Variants in GEMIN4 observed in about 807,000 individuals in gnomAD.
The protein encoded by GEMIN4 is gem-associated protein 4.
Under a neutral mutation model 76.8 loss-of-function variants are expected in GEMIN4, and 59 were observed. The observed-to-expected ratio is 0.77, with a 90% confidence interval of 0.62 to 0.95. The LOEUF is 0.95. Among genes scored for constraint, GEMIN4 ranks in the 40% least tolerant of loss-of-function variants. The pLI is 0.00. For synonymous variants in GEMIN4, 562 were observed against 559.7 expected, an observed-to-expected ratio of 1.00 and a Z score of -0.06; for missense variants, 1,311 against 1,318.9, an observed-to-expected ratio of 0.99 and a Z score of 0.09.
At chr17:752,098 G>T in intron 1 of GEMIN4, 35 bp downstream of exon 1, 1 of 1,225,354 alleles carries the variant, frequency 8.2e-7, no homozygotes, top group Non-Finnish European at 1.0e-6. Flanking sequence ...CGCATTGCTG[G>T]ACGCAGCCCG....
At position 745,709 on chromosome 17, in the gene GEMIN4, G is replaced by A. The variant is rs1451608184; in HGVS notation, c.2334C>T (p.Phe778=). Residue 778 remains phenylalanine (F), a synonymous_variant, in exon 2 of 2, where the codon TTC becomes TTT. Coordinates refer to ENST00000319004, the MANE Select transcript of GEMIN4 (RefSeq NM_015721.3). The surrounding 1 kb of genome is among the most constrained non-coding windows in gnomAD (Gnocchi z 4.6). ...WTVGLRLKSF[F]EGHFKCEVPA... The stretch of plus-strand genomic sequence containing the variant: ...GCACTTCACACTTGAAGTGCCCCTC[G>A]AAGAAGCTCTTCAGCCTCAGGCCCA... 1.4e-5 allele frequency: 23 copies of A among 1,603,028 alleles called. No individual in the cohort carries two copies. Among genetic ancestry groups the A allele is most frequent in the Non-Finnish European group, 1.8e-5 (21 of 1,175,142 alleles).
chr17:752,578 C>T, upstream of GEMIN4: 2 of 829,340 alleles, frequency 2.4e-6, no homozygotes, highest in Non-Finnish European at 3.0e-6. Flanking sequence ...CCGCACCACG[C>T]GAGGCTTCCA....
Position 747,275 on chromosome 17 carries a change from G to T in GEMIN4, c.768C>A (p.Asp256Glu), listed in dbSNP as rs775097115. ...ACACGGTTGCAGACACCTCCTGGGG[G>T]TCGTCCTCTGTCAGCGCAAACACAG... ...MLTVFALTED[D>E]PQEVSATVYL... Residue 256 changes from aspartate to glutamate, a missense_variant, in exon 2 of 2, where the codon GAC becomes GAA. By Grantham distance (45) the Asp-to-Glu change is conservative. Coordinates refer to ENST00000319004, the MANE Select transcript of GEMIN4 (RefSeq NM_015721.3). The T allele has an allele frequency of 6.2e-7, 1 of 1,613,770 alleles. No individual in the cohort carries two copies. Among genetic ancestry groups the T allele is most frequent in the Admixed American group, 1.7e-5 (1 of 60,022 alleles).
In GEMIN4 at chr17:746,430, G is replaced by A. The variant is rs1974415761; in HGVS notation, c.1613C>T (p.Ser538Phe). The change falls in exon 2 of 2, where the codon TCC (serine) becomes TTC (phenylalanine). Residue 538 changes from serine to phenylalanine, a missense_variant. Around this residue, in one of 2 missense-constraint regions of GEMIN4, gnomAD observed 1,208 missense variants for 1,166.9 expected, o/e 1.04. Transcript: ENST00000319004. The surrounding 1 kb of genome is among the most constrained non-coding windows in gnomAD (Gnocchi z 4.3). ...TTFNQLTQSA[S>F]EQGLAKAVAS... Reference sequence around the variant, plus strand: ...CACAGCTTTTGCCAAGCCCTGTTCGGAGGCACTCTGAGTGAGCTGGTTAAA... The same window carrying A: ...CACAGCTTTTGCCAAGCCCTGTTCGAAGGCACTCTGAGTGAGCTGGTTAAA... 1.9e-6 allele frequency: 3 copies of A among 1,613,980 alleles called. No homozygotes were observed. Among genetic ancestry groups the A allele is most frequent in the Non-Finnish European group, 2.5e-6 (3 of 1,179,896 alleles).
Position 747,667 on chromosome 17 carries a change from TAA to T in GEMIN4, c.374_375del (p.Phe125TyrfsTer26), listed in dbSNP as rs760034889. 48 of 1,613,512 alleles carry T rather than the reference TAA, an allele frequency of 3.0e-5. No individual in the cohort carries two copies. The highest frequency in any genetic ancestry group is 4.0e-5 in the Non-Finnish European group (47 of 1,179,796). Reference protein sequence around the residue: ...LLKSLEASGLFIQLLMALPTT... With the variant: ...LLKSLEASGLXIQLLMALPTT... Reference sequence around the variant, plus strand: ...GTGGGCAGGGCCATCAGGAGCTGGATAAAGAGTCCAGAAGCTTCCAGGGATTT... The same window carrying T: ...GTGGGCAGGGCCATCAGGAGCTGGATAGAGTCCAGAAGCTTCCAGGGATTT... On this transcript the variant is annotated frameshift_variant, in exon 2 of 2. Transcript: ENST00000319004. LOFTEE classifies it high-confidence loss of function.
rs185485734 is a variant in GEMIN4 at position 749,918 on chromosome 17, G to T, written c.11-1886C>A. 55 of 987,050 alleles carry T rather than the reference G, an allele frequency of 5.6e-5. No individual in the cohort carries two copies. The African/African-American group carries it at 9.4e-4, about 17-fold the overall frequency. The allele number at this position is 987,050 out of a possible 1,614,324, so 61.1% of individuals were successfully genotyped here. A position where few individuals can be genotyped will look rare whatever the true frequency, so the allele number is the denominator to read the frequency against. On this transcript the variant is annotated intron_variant, in intron 1 of 1. Transcript: ENST00000319004. ...TACTCATGGCCCTAGCTCTGTGGGA[G>T]AAACCAGGGAGTAGATACAGAAAAT...
Position 746,194 on chromosome 17 carries a change from T to G in GEMIN4, c.1849A>C (p.Thr617Pro). The change falls in exon 2 of 2, where the codon ACA (threonine) becomes CCA (proline). Residue 617 changes from threonine (T) to proline (P), a missense_variant. Transcript: ENST00000319004. The surrounding 1 kb of genome is among the most constrained non-coding windows in gnomAD (Gnocchi z 4.3). Reference sequence around the variant, plus strand: ...AAAAATTGCTTTTCTTCCTTGGGTGTAGAGAACTTCATCCAGACGGTTTCT... The same window carrying G: ...AAAAATTGCTTTTCTTCCTTGGGTGGAGAGAACTTCATCCAGACGGTTTCT... ...LKETVWMKFSTPKEEKQFLEL... is the reference protein window; with the variant it reads ...LKETVWMKFSPPKEEKQFLEL... 1 of 1,613,832 alleles carries G rather than the reference T, an allele frequency of 6.2e-7. No individual in the cohort carries two copies. Among genetic ancestry groups the G allele is most frequent in the Non-Finnish European group, 8.5e-7 (1 of 1,179,876 alleles).
At position 744,714 on chromosome 17, in the gene GEMIN4, G is replaced by C. The variant is rs1443806178; in HGVS notation, c.*152C>G. 2 of 702,876 alleles carry C rather than the reference G, an allele frequency of 2.8e-6. No individual in the cohort carries two copies. The highest frequency in any genetic ancestry group is 2.8e-5 in the East Asian group (1 of 36,140). 43.5% of individuals were successfully genotyped at this position (702,876 alleles called of 1,614,324 possible). A position where few individuals can be genotyped will look rare whatever the true frequency, so the allele number is the denominator to read the frequency against. ...ACCATTATTGCCATGACTTTTTGTG[G>C]ACAGTTTCACATAACTGTAAAGTCC... On this transcript the variant is annotated 3_prime_UTR_variant, in exon 2 of 2. Transcript: ENST00000319004.
Position 745,560 on chromosome 17 carries a change from A to T in GEMIN4, c.2483T>A (p.Ile828Asn), listed in dbSNP as rs1292890105. ...CAAGAGAGACAGCATCCTCTCCGAG[A>T]TGCCGCTGGAGACGCAGCAGCACTC... ...WMECCCVSSG[I>N]SERMLSLLVV... The change falls in exon 2 of 2, where the codon ATC (isoleucine) becomes AAC (asparagine). Residue 828 changes from isoleucine to asparagine, a missense_variant. By Grantham distance (149) the Ile-to-Asn change is moderately radical. This residue lies in a region of GEMIN4 where 1,208 missense variants were observed against 1,166.9 expected (regional missense o/e 1.04). Coordinates refer to ENST00000319004, the MANE Select transcript of GEMIN4 (RefSeq NM_015721.3). The surrounding 1 kb of genome is among the most constrained non-coding windows in gnomAD (Gnocchi z 4.6). 10 of 1,611,892 alleles carry T rather than the reference A, an allele frequency of 6.2e-6. No homozygotes were observed. The highest frequency in any genetic ancestry group is 1.7e-5 in the Admixed American group (1 of 59,872).
rs769275539 is a variant in GEMIN4, at chr17:744,749, G to A, written c.*117C>T. 8.4e-6 allele frequency: 9 copies of A among 1,074,212 alleles called. No individual in the cohort carries two copies. Among genetic ancestry groups the A allele is most frequent in the African/African-American group, 3.2e-5 (2 of 63,286 alleles). 66.5% of individuals were successfully genotyped at this position (1,074,212 alleles called of 1,614,324 possible). A position where few individuals can be genotyped will look rare whatever the true frequency, so the allele number is the denominator to read the frequency against. On this transcript the variant is annotated 3_prime_UTR_variant, in exon 2 of 2. Coordinates refer to ENST00000319004, the MANE Select transcript of GEMIN4 (RefSeq NM_015721.3). ...CATAACTGTAAAGTCCAGGCTGCTC[G>A]GGTCTGACCCCTACAGACCTGCCAT...
chr17:748,990 G>A (rs371761026), intron 1 of GEMIN4: 7 of 138,320 alleles, frequency 5.1e-5, no homozygotes, highest in Admixed American at 1.7e-4. Context: ...CGGCCACAGG[G>A]TAATGGGCAC....
At chr17:749,180 G>T (rs60545029) in intron 1 of GEMIN4, 1 of 88,248 alleles carries the variant, frequency 1.1e-5, no homozygotes, top group Non-Finnish European at 2.2e-5. Context: ...GCAATCACAC[G>T]GCCACAGGGT....
rs1974335672 is a variant in GEMIN4 at position 745,029 on chromosome 17, G to A, written c.3014C>T (p.Ala1005Val). The A allele has an allele frequency of 1.9e-6, 3 of 1,613,926 alleles. No homozygotes were observed. Among genetic ancestry groups the A allele is most frequent in the East Asian group, 2.2e-5 (1 of 44,884 alleles). ...CTCATAGCAGGTGAGGGTTTCCAAG[G>A]CTAAAACGTAGAGTGGCTCACAGAC... ...PEVCEPLYVLALETLTCYETL... is the reference protein window; with the variant it reads ...PEVCEPLYVLVLETLTCYETL... Residue 1005 changes from alanine (A) to valine (V), a missense_variant, in exon 2 of 2, where the codon GCC (alanine) becomes GTC (valine). Around this residue, in one of 2 missense-constraint regions of GEMIN4, gnomAD observed 1,208 missense variants for 1,166.9 expected, o/e 1.04. Coordinates refer to ENST00000319004, the MANE Select transcript of GEMIN4 (RefSeq NM_015721.3). This position sits in a 1 kb window ranked among gnomAD's most constrained non-coding sequence, Gnocchi z 4.6.
chr17:746,747 G>C lies in GEMIN4; in HGVS notation c.1296C>G (p.Ala432=), dbSNP rs757302002. The change falls in exon 2 of 2, where the codon GCC becomes GCG. Residue 432 remains alanine, a synonymous_variant. Coordinates refer to ENST00000319004, the MANE Select transcript of GEMIN4 (RefSeq NM_015721.3). The surrounding 1 kb of genome is among the most constrained non-coding windows in gnomAD (Gnocchi z 4.3). ...CYIFASEKKW[A]FSDEWVACLG... ...GGCAGGCTACCCACTCGTCCGAGAA[G>C]GCCCACTTCTTCTCAGAGGCAAAAA... 2.5e-6 allele frequency: 4 copies of C among 1,613,750 alleles called. No individual in the cohort carries two copies. Among genetic ancestry groups the C allele is most frequent in the East Asian group, 4.5e-5 (2 of 44,870 alleles).
At position 746,767 on chromosome 17, in the gene GEMIN4, C is replaced by G. The variant is rs1417759830; in HGVS notation, c.1276G>C (p.Ala426Pro). 6.2e-7 allele frequency: 1 copy of G among 1,613,756 alleles called. No individual in the cohort carries two copies. Among genetic ancestry groups the G allele is most frequent in the Non-Finnish European group, 8.5e-7 (1 of 1,179,844 alleles). The part of the protein sequence containing the change: ...DRHMEVCYIF[A>P]SEKKWAFSDE... The stretch of plus-strand genomic sequence containing the variant: ...GAGAAGGCCCACTTCTTCTCAGAGG[C>G]AAAAATGTAGCACACTTCCATATGG... Residue 426 changes from alanine (A) to proline (P), a missense_variant, in exon 2 of 2, where the codon GCC (alanine) becomes CCC (proline). Physicochemically the swap from Ala to Pro is conservative, Grantham distance 27. Coordinates refer to ENST00000319004, the MANE Select transcript of GEMIN4 (RefSeq NM_015721.3). The surrounding 1 kb of genome is among the most constrained non-coding windows in gnomAD (Gnocchi z 4.3).
At chr17:748,056 GAC>G (rs1456120563) in intron 1 of GEMIN4, 24 bp from the exon 2 acceptor site, 61 of 1,549,380 alleles carry the variant, frequency 3.9e-5, no homozygotes, top group Non-Finnish European at 5.2e-5. Context: ...AGCCAAATAA[GAC>G]AGTATAGTGA....
chr17:744,662 A>G lies in GEMIN4; in HGVS notation c.*204T>C. ...ATTTTTATGATAGTTTGTACGTTAC[A>G]AATACCCAAGAAACTATTTTCTTTA... On this transcript the variant is annotated 3_prime_UTR_variant, in exon 2 of 2. Coordinates refer to ENST00000319004, the MANE Select transcript of GEMIN4 (RefSeq NM_015721.3). The G allele has an allele frequency of 3.6e-6, 2 of 552,096 alleles. No homozygotes were observed. The highest frequency in any genetic ancestry group is 6.3e-6 in the Non-Finnish European group (2 of 317,892). 34.2% of individuals were successfully genotyped at this position (552,096 alleles called of 1,614,324 possible). A position where few individuals can be genotyped will look rare whatever the true frequency, so the allele number is the denominator to read the frequency against.
rs1368210735 is a variant in GEMIN4 at position 747,609 on chromosome 17, A to G, written c.434T>C (p.Leu145Pro). The G allele has an allele frequency of 2.2e-5, 36 of 1,614,020 alleles. No individual in the cohort carries two copies. The highest frequency in any genetic ancestry group is 3.1e-5 in the Non-Finnish European group (36 of 1,179,894). The change falls in exon 2 of 2, where the codon CTG becomes CCG. Residue 145 changes from leucine (L) to proline (P), a missense_variant. Leu to Pro is a moderately conservative substitution (Grantham distance 98, BLOSUM62 -3). Coordinates refer to ENST00000319004, the MANE Select transcript of GEMIN4 (RefSeq NM_015721.3). The stretch of plus-strand genomic sequence containing the variant: ...AGAAGTGTCAACGGTCACATGTTCC[A>G]GAAAGCGCTCTAGTTCTGCATGGCA... ...TICHAELERF[L>P]EHVTVDTSAE...
intron 1 of GEMIN4, among the ~76,000 whole-genome samples, chr17:750,372 A>T (rs1160624698): frequency 1.3e-5 from 2 of 152,148 alleles, no homozygotes; most frequent in African/African-American, 4.8e-5. Flanking sequence ...CCGGGACGCT[A>T]TGATGGATAA....
Sources: gnomAD v4.1 joint callset for allele counts (sites outside exome capture counted in the v4.1 genomes callset) on GRCh38, gnomAD v4.1.1 for gene constraint, gnomAD v4.1.1 regional missense constraint, Gnocchi (gnomAD v3.1) non-coding constraint, MANE v1.5 for transcripts, NCBI Gene and HGNC (gene_info 2026-07-23, HGNC 2026-07-21) for gene names.